The following WDR72 variants were observed in gnomAD, a reference collection of about 807,000 sequenced individuals.
The protein encoded by WDR72 is WD repeat domain 72, also known as WD repeat-containing protein 72.
A neutral mutation model predicts 124.2 loss-of-function variants in WDR72; 120 were observed. The ratio of observed to expected loss-of-function variants is 0.97; its 90% CI spans 0.83 to 1.12. The LOEUF (loss-of-function observed/expected upper bound fraction) is 1.12. WDR72 is among the 50% of genes most tolerant of loss of function. The probability of loss-of-function intolerance (pLI) is 0.00; values close to 1 mark genes in which losing one functional copy is unlikely to be tolerated. For missense variants in WDR72, 1,387 were observed against 1,278.8 expected, an observed-to-expected ratio of 1.08 and a Z score of -1.29; for synonymous variants, 452 against 441.7, an observed-to-expected ratio of 1.02 and a Z score of -0.29.
chr15:53,549,016 C>G (rs911415497), intron 18 of WDR72, among the ~76,000 whole-genome samples: 5 of 152,140 alleles, frequency 3.3e-5, no homozygotes, highest in Non-Finnish European at 7.4e-5. Flanking sequence ...ATAAAGAACA[C>G]AAACATCTAG....
intron 9 of WDR72, among the ~76,000 whole-genome samples, chr15:53,708,803 T>C (rs941452654): frequency 6.6e-6 from 1 of 152,194 alleles, no homozygotes; most frequent in Non-Finnish European, 1.5e-5. Context: ...TCTTACTCTG[T>C]GGCTGAGACC....
chr15:53,704,943 G>T (rs1475501517), intron 11 of WDR72, 45 bp downstream of exon 11: 2 of 1,608,262 alleles, frequency 1.2e-6, no homozygotes, highest in African/African-American at 2.7e-5. Context: ...TGAAATTGCA[G>T]CTTTAGATAA....
At chr15:53,679,408 T>C (rs4573883) in intron 13 of WDR72, among the ~76,000 whole-genome samples, 11,502 of 152,052 alleles carry the variant, frequency 0.076, 1,116 homozygotes, top group African/African-American at 0.22. Context: ...CCAAAGAAGA[T>C]ACAAGGAAAA....
chr15:53,597,389 C>A (rs1209393014), intron 17 of WDR72, 115 bp from the exon 18 acceptor site: 5 of 988,672 alleles, frequency 5.1e-6, no homozygotes, highest in Non-Finnish European at 7.5e-6. Context: ...TAAACGATAA[C>A]TTTTCATACT....
chr15:53,649,224 T>C (rs969267818), intron 14 of WDR72, among the ~76,000 whole-genome samples: 1 of 152,060 alleles, frequency 6.6e-6, no homozygotes, highest in African/African-American at 2.4e-5. Flanking sequence ...TACTGATGCG[T>C]TGGCTATGGT....
intron 1 of WDR72, among the ~76,000 whole-genome samples, chr15:53,746,047 A>T (rs1355845130): frequency 6.6e-6 from 1 of 152,212 alleles, no homozygotes; most frequent in Non-Finnish European, 1.5e-5. Flanking sequence ...TAAACCTCTT[A>T]TTCATCCAGG....
At chr15:53,532,638 G>A (rs1041199981) in intron 18 of WDR72, among the ~76,000 whole-genome samples, 1 of 151,974 alleles carries the variant, frequency 6.6e-6, no homozygotes, top group African/African-American at 2.4e-5. Context: ...ACTAAAAGAA[G>A]GTTAGTGGGA....
At chr15:53,684,432 C>G (rs1352259905) in intron 13 of WDR72, 2 of 154,458 alleles carry the variant, frequency 1.3e-5, no homozygotes, top group East Asian at 1.9e-4. Context: ...CTTTCTGAGT[C>G]AAAGAAAGGG....
chr15:53,655,488 C>T (rs1006932961), intron 14 of WDR72, among the ~76,000 whole-genome samples: 2 of 150,282 alleles, frequency 1.3e-5, no homozygotes, highest in African/African-American at 5.0e-5. Context: ...AGAAAGGACC[C>T]ATACTATTCT....
chr15:53,743,534 G>A (rs2018563499), intron 1 of WDR72, among the ~76,000 whole-genome samples: 1 of 152,032 alleles, frequency 6.6e-6, no homozygotes, highest in African/African-American at 2.4e-5. Flanking sequence ...ATCGTTACTT[G>A]CGAATGATTT....
intron 18 of WDR72, among the ~76,000 whole-genome samples, chr15:53,545,697 A>C (rs1446644535): frequency 1.5e-5 from 2 of 134,252 alleles, no homozygotes; most frequent in East Asian, 4.0e-4. Context: ...TCTGCACCGC[A>C]AAAGAAACTA....
chr15:53,609,867 C>CACACACAA (rs2013462283), intron 16 of WDR72, among the ~76,000 whole-genome samples: 1 of 135,978 alleles, frequency 7.4e-6, no homozygotes, highest in African/African-American at 2.6e-5. Flanking sequence ...CACACACACA[C>CACACACAA]AATTTATATG....
intron 1 of WDR72, among the ~76,000 whole-genome samples, chr15:53,745,596 G>C (rs1247232657): frequency 6.6e-6 from 1 of 152,112 alleles, no homozygotes; most frequent in African/African-American, 2.4e-5. Flanking sequence ...GTTTTGTATA[G>C]TATACACTAT....
intron 1 of WDR72, among the ~76,000 whole-genome samples, chr15:53,746,683 AT>A (rs545473995): frequency 1.1e-4 from 17 of 150,594 alleles, no homozygotes; most frequent in East Asian, 3.9e-4. Context: ...TTACTTAAAG[AT>A]TTTTTTTTTC....
chr15:53,676,051 C>G (rs690139), intron 13 of WDR72, among the ~76,000 whole-genome samples: 14,506 of 152,116 alleles, frequency 0.095, 1,851 homozygotes, highest in African/African-American at 0.29. Context: ...CCTCACTATA[C>G]TCCTAGGTCC....
Position 53,517,414 on chromosome 15 carries a change from C to A in WDR72, c.*285G>T. On this transcript the variant is annotated 3_prime_UTR_variant, in exon 20 of 20. Coordinates refer to ENST00000360509, the MANE Select transcript of WDR72 (RefSeq NM_182758.4). Reference sequence around the variant, plus strand: ...AATTTGTGTCTGTGGACTGGCATTCCCTGTTGGAAATATTAACAGAAAAAG... The same window carrying A: ...AATTTGTGTCTGTGGACTGGCATTCACTGTTGGAAATATTAACAGAAAAAG... 2 of 387,672 alleles carry A rather than the reference C, an allele frequency of 5.2e-6. No individual in the cohort carries two copies. Among genetic ancestry groups the A allele is most frequent in the Non-Finnish European group, 9.6e-6 (2 of 207,318 alleles). The allele number at this position is 387,672 out of a possible 1,614,324, so 24.0% of individuals were successfully genotyped here. A position where few individuals can be genotyped will look rare whatever the true frequency, so the allele number is the denominator to read the frequency against.
At chr15:53,570,967 T>A (rs942487542) in intron 18 of WDR72, among the ~76,000 whole-genome samples, 4 of 151,834 alleles carry the variant, frequency 2.6e-5, no homozygotes. Flanking sequence ...TCCAAAGCAA[T>A]TAACACAAAC....
chr15:53,712,319 C>T (rs2614205), intron 7 of WDR72, among the ~76,000 whole-genome samples: 71,900 of 151,940 alleles, frequency 0.47, 17,590 homozygotes, highest in Middle Eastern at 0.61. Context: ...TATGTCAGGC[C>T]GTGTCCAGTG....
At chr15:53,693,481 G>A (rs1394351283) in intron 13 of WDR72, among the ~76,000 whole-genome samples, 2 of 152,052 alleles carry the variant, frequency 1.3e-5, no homozygotes, top group Non-Finnish European at 2.9e-5. Context: ...GAATATTTTT[G>A]AAAAACATGA....
Sources: gnomAD v4.1 joint callset for allele counts (sites outside exome capture counted in the v4.1 genomes callset) on GRCh38, gnomAD v4.1.1 for gene constraint, MANE v1.5 for transcripts, NCBI Gene and HGNC (gene_info 2026-07-23, HGNC 2026-07-21) for gene names.